Variants in NCF4 observed in about 807,000 individuals in gnomAD.
The protein encoded by NCF4 is neutrophil cytosol factor 4.
NCF4 carries 30 observed loss-of-function variants against 41.7 expected under a neutral mutation model. The ratio of observed to expected loss-of-function variants is 0.72; its 90% CI spans 0.54 to 0.97. NCF4 has a LOEUF of 0.97. NCF4 is among the 50% of genes least tolerant of loss of function. The probability of loss-of-function intolerance (pLI) is 0.00; values close to 1 mark genes in which losing one functional copy is unlikely to be tolerated. For synonymous variants in NCF4, 195 were observed against 175.8 expected, an observed-to-expected ratio of 1.11 and a Z score of -0.87; for missense variants, 432 against 460.9, an observed-to-expected ratio of 0.94 and a Z score of 0.57.
intron 9 of NCF4, 58 bp from the exon 10 acceptor site, chr22:36,877,570 C>T: frequency 1.3e-6 from 2 of 1,590,640 alleles, no homozygotes; most frequent in African/African-American, 2.7e-5. Flanking sequence ...TTCACCCCCT[C>T]TCCCTACCCC....
At chr22:36,863,758 C>T (rs1245238833) in intron 1 of NCF4, among the ~76,000 whole-genome samples, 1 of 151,314 alleles carries the variant, frequency 6.6e-6, no homozygotes, top group Non-Finnish European at 1.5e-5. Flanking sequence ...TTGGCTATTG[C>T]TATATGGTCA....
Position 36,877,671 on chromosome 22 carries a change from G to C in NCF4, c.868G>C (p.Ala290Pro). The change falls in exon 10 of 10, where the codon GCT (alanine) becomes CCT (proline). Residue 290 changes from alanine (A) to proline (P), a missense_variant. Coordinates refer to ENST00000248899, the MANE Select transcript of NCF4 (RefSeq NM_000631.5). ...GGACATAGCTCTGAATTACCGGGACGCTGAGGGGGATCTGGTTCGGCTGCT... is the reference window on the plus strand; with the variant it reads ...GGACATAGCTCTGAATTACCGGGACCCTGAGGGGGATCTGGTTCGGCTGCT... ...REDIALNYRD[A>P]EGDLVRLLSD... The C allele has an allele frequency of 6.2e-7, 1 of 1,614,178 alleles. No homozygotes were observed. Among genetic ancestry groups the C allele is most frequent in the Non-Finnish European group, 8.5e-7 (1 of 1,180,030 alleles).
intron 7 of NCF4, among the ~76,000 whole-genome samples, chr22:36,873,210 G>A (rs1023898476): frequency 1.3e-5 from 2 of 151,028 alleles, no homozygotes; most frequent in South Asian, 4.2e-4. Flanking sequence ...ATGGAGGTGA[G>A]GATAGAGGTG....
chr22:36,874,096 C>T (rs1367541670), intron 7 of NCF4, among the ~76,000 whole-genome samples: 1 of 152,218 alleles, frequency 6.6e-6, no homozygotes, highest in Non-Finnish European at 1.5e-5. Flanking sequence ...GGGCTCGCCC[C>T]AGAGCCTGGG....
At chr22:36,867,342 CGGGGCCATGTTGGGCCA>C (rs1569112053) in intron 3 of NCF4, 33 bp from the exon 4 acceptor site, 1 of 1,604,920 alleles carries the variant, frequency 6.2e-7, no homozygotes, top group African/African-American at 1.3e-5. Flanking sequence ...CCCTGAGCCC[CGGGGCCATGTTGGGCCA>C]GGCTCCTAGG....
intron 3 of NCF4, 120 bp from the exon 4 acceptor site, chr22:36,867,272 G>C (rs1158745287): frequency 1.0e-6 from 1 of 1,000,244 alleles, no homozygotes; most frequent in South Asian, 1.3e-5. Flanking sequence ...AAGATAACAG[G>C]GAAGAATGCT....
intron 4 of NCF4, among the ~76,000 whole-genome samples, chr22:36,869,649 G>A (rs1223323371): frequency 6.6e-6 from 1 of 152,096 alleles, no homozygotes; most frequent in Non-Finnish European, 1.5e-5. Context: ...GGAGTTTGGT[G>A]AGATGACCCC....
In NCF4 at chr22:36,876,095, G is replaced by C; in HGVS notation, c.824+1G>C. 4 of 1,605,540 alleles carry C rather than the reference G, an allele frequency of 2.5e-6. No individual in the cohort carries two copies. The highest frequency in any genetic ancestry group is 3.4e-6 in the Non-Finnish European group (4 of 1,174,824). ...TGAAAGACCTGCTGGAGCTCACAAGGTGAGGGGCTGGGAATGGGGCTGGGG... is the reference window on the plus strand; with the variant it reads ...TGAAAGACCTGCTGGAGCTCACAAGCTGAGGGGCTGGGAATGGGGCTGGGG... On this transcript the variant is annotated splice_donor_variant, in intron 9 of 9. Coordinates refer to ENST00000248899, the MANE Select transcript of NCF4 (RefSeq NM_000631.5). LOFTEE classifies it high-confidence loss of function.
In NCF4 at chr22:36,864,024, CTT is replaced by C. The variant is rs1300542517; in HGVS notation, c.33-18_33-17del. On this transcript the variant is annotated intron_variant, in intron 1 of 9. Coordinates refer to ENST00000248899, the MANE Select transcript of NCF4 (RefSeq NM_000631.5). ...CACATCAGGGTGATAAGCAGGATCT[CTT>C]TTCCCCTCCTTCGCACAGTGACTTT... 1 of 1,611,220 alleles carries C rather than the reference CTT, an allele frequency of 6.2e-7. No homozygotes were observed. Among genetic ancestry groups the C allele is most frequent in the East Asian group, 2.2e-5 (1 of 44,872 alleles).
At chr22:36,862,437 G>T (rs1370034754) in intron 1 of NCF4, among the ~76,000 whole-genome samples, 1 of 152,162 alleles carries the variant, frequency 6.6e-6, no homozygotes, top group African/African-American at 2.4e-5. Context: ...GCTCCTGGGG[G>T]ACCCAGCCGC....
In NCF4 at chr22:36,864,826, T is replaced by TTCC. The variant is rs369648488; in HGVS notation, c.118-77_118-75dup. The TTCC allele has an allele frequency of 8.3e-5, 123 of 1,484,006 alleles. 1 individual carries two copies. In the African/African-American group the frequency reaches 1.1e-3, roughly 13 times the overall value. The allele number at this position is 1,484,006 out of a possible 1,614,324, so 91.9% of individuals were successfully genotyped here. A position where few individuals can be genotyped will look rare whatever the true frequency, so the allele number is the denominator to read the frequency against. ...CTTCTGCATCCTTATCCTCATCATC[T>TTCC]TCCTCCTCCTCCTCCTCCCCTTTTC... On this transcript the variant is annotated intron_variant, in intron 2 of 9. Coordinates refer to ENST00000248899, the MANE Select transcript of NCF4 (RefSeq NM_000631.5).
intron 4 of NCF4, among the ~76,000 whole-genome samples, chr22:36,868,586 G>A (rs555513264): frequency 6.6e-6 from 1 of 151,776 alleles, no homozygotes; most frequent in African/African-American, 2.4e-5. Flanking sequence ...GAGCTGGGTG[G>A]GCTCCAGCTG....
intron 4 of NCF4, 58 bp from the exon 5 acceptor site, chr22:36,870,356 TG>T: frequency 6.2e-7 from 1 of 1,611,426 alleles, no homozygotes. Flanking sequence ...ACATCTAGGC[TG>T]GGGTGTCCAG....
intron 9 of NCF4, among the ~76,000 whole-genome samples, chr22:36,876,407 C>G (rs547903765): frequency 1.3e-5 from 2 of 152,282 alleles, no homozygotes; most frequent in South Asian, 2.1e-4. Context: ...ACTCACTACC[C>G]CCCCAGGTCC....
chr22:36,870,302 C>A, intron 4 of NCF4, 113 bp from the exon 5 acceptor site: 1 of 1,417,480 alleles, frequency 7.1e-7, no homozygotes, highest in Admixed American at 1.7e-5. Flanking sequence ...AGGCATCATG[C>A]ATTAGTAAAG....
In NCF4 at chr22:36,871,635, C is replaced by A; in HGVS notation, c.471-17C>A. 6.4e-7 allele frequency: 1 copy of A among 1,559,286 alleles called. No individual in the cohort carries two copies. The highest frequency in any genetic ancestry group is 2.4e-5 in the East Asian group (1 of 41,950). On this transcript the variant is annotated splice_polypyrimidine_tract_variant and intron_variant, in intron 5 of 9. Transcript: ENST00000248899. ...AGAGAATCACAGGGCTAACAAGCCC[C>A]TCTTCTCTCTCCACAGCAAGAGCGT...
intron 4 of NCF4, chr22:36,870,042 T>TCATG (rs2145715522): frequency 2.8e-6 from 1 of 354,206 alleles, no homozygotes; most frequent in South Asian, 2.2e-5. Context: ...TCTCTGATCC[T>TCATG]AACTCAAGGG....
In NCF4 at chr22:36,870,422, T is replaced by C. The variant is rs1940026252; in HGVS notation, c.350T>C (p.Leu117Pro). 3 of 1,613,876 alleles carry C rather than the reference T, an allele frequency of 1.9e-6. No individual in the cohort carries two copies. The highest frequency in any genetic ancestry group is 1.1e-5 in the South Asian group (1 of 91,084). Residue 117 changes from leucine to proline, a missense_variant, in exon 5 of 10, where the codon CTC becomes CCC. By Grantham distance (98) the Leu-to-Pro change is moderately conservative. Coordinates refer to ENST00000248899, the MANE Select transcript of NCF4 (RefSeq NM_000631.5). ...GCTGTCTCACCCACACAGAGCCTGC[T>C]CAGCCTGCCGGTCTGGGTGCTGATG... Reference protein sequence around the residue: ...PALNAYMKSLLSLPVWVLMDE... With the variant: ...PALNAYMKSLPSLPVWVLMDE...
chr22:36,875,980 C>T lies in NCF4; in HGVS notation c.759-49C>T, dbSNP rs766613420. ...TCATTCCCCTTTCCCCCACCCCACA[C>T]CCCACTTCCAGCCTGATGCCTCCTT... is the stretch of plus-strand genomic sequence containing the variant. On this transcript the variant is annotated intron_variant, in intron 8 of 9. Transcript: ENST00000248899. 6 of 1,613,978 alleles carry T rather than the reference C, an allele frequency of 3.7e-6. No individual in the cohort carries two copies. In the Admixed American group the frequency reaches 6.7e-5, roughly 18 times the overall value.
Sources: gnomAD v4.1 joint callset for allele counts (sites outside exome capture counted in the v4.1 genomes callset) on GRCh38, gnomAD v4.1.1 for gene constraint, MANE v1.5 for transcripts, NCBI Gene and HGNC (gene_info 2026-07-23, HGNC 2026-07-21) for gene names.